The following MID1 variants were observed in gnomAD, a reference collection of about 807,000 sequenced individuals.
MID1 encodes the protein E3 ubiquitin-protein ligase Midline-1.
In MID1, 7 loss-of-function variants were observed where a neutral mutation model predicts 40.4. That is an observed-to-expected ratio of 0.17 (90% CI 0.10 to 0.33). The LOEUF (loss-of-function observed/expected upper bound fraction) is 0.33. Ranked by LOEUF, MID1 falls within the 10% of genes least tolerant of loss-of-function variation. The pLI is 1.00. For synonymous variants in MID1, 229 were observed against 221.2 expected (o/e 1.04, Z -0.31); for missense variants, 367 against 558.5 (o/e 0.66, Z 3.46).
At chrX:10,488,659 T>A (rs1040391789) in intron 4 of MID1, among the ~76,000 whole-genome samples, 11 of 111,449 alleles carry the variant, frequency 9.9e-5, no homozygotes, top group African/African-American at 3.6e-4. Flanking sequence ...CCTGGGTGTG[T>A]CTGTGAGGGT....
At chrX:10,450,020 T>TA (rs1389956933) in intron 9 of MID1, among the ~76,000 whole-genome samples, 1 of 110,515 alleles carries the variant, frequency 9.0e-6, no homozygotes, top group Non-Finnish European at 1.9e-5. Context: ...TTCACTCTTA[T>TA]AAAAATCTAC....
chrX:10,571,123 G>T (rs1196422817), intron 1 of MID1, among the ~76,000 whole-genome samples: 2 of 112,324 alleles, frequency 1.8e-5, no homozygotes, highest in African/African-American at 6.5e-5. Context: ...CTCAAAACTA[G>T]ATATTTTCTT....
intron 6 of MID1, among the ~76,000 whole-genome samples, chrX:10,471,453 G>A (rs746123810): frequency 4.5e-5 from 5 of 112,171 alleles, no homozygotes; most frequent in Admixed American, 1.9e-4. Context: ...CACCTCCAAC[G>A]TGACAGGCAT....
intron 3 of MID1, among the ~76,000 whole-genome samples, chrX:10,515,618 T>C (rs775320293): frequency 2.6e-4 from 29 of 112,497 alleles, no homozygotes; most frequent in Middle Eastern, 4.6e-3. Context: ...TGCTGGAACT[T>C]TGAAGTGATG....
upstream of MID1, among the ~76,000 whole-genome samples, chrX:10,623,060 A>G (rs1342611150): frequency 2.0e-5 from 2 of 97,889 alleles, no homozygotes; most frequent in Non-Finnish European, 4.1e-5. Context: ...CAGCCTGGGC[A>G]ACATGGTGAA....
At chrX:10,713,325 ATTT>A (rs112742852) in intron 1 of MID1, among the ~76,000 whole-genome samples, 39 of 96,490 alleles carry the variant, frequency 4.0e-4, no homozygotes, top group African/African-American at 1.3e-3. Context: ...AGAGAAGGAG[ATTT>A]TTTTTTTTTT....
At chrX:10,713,044 C>T (rs1187557585) in intron 1 of MID1, among the ~76,000 whole-genome samples, 5 of 110,544 alleles carry the variant, frequency 4.5e-5, no homozygotes, top group African/African-American at 1.6e-4. Context: ...ACTATGTTAG[C>T]CAGGCTGGTC....
At chrX:10,589,105 T>G (rs979860541) in intron 1 of MID1, among the ~76,000 whole-genome samples, 2 of 111,880 alleles carry the variant, frequency 1.8e-5, no homozygotes, top group Non-Finnish European at 3.8e-5. Context: ...ACACACACAC[T>G]TTTGCAGTTT....
chrX:10,785,796 C>T (rs1368747720), intron 1 of MID1, among the ~76,000 whole-genome samples: 7 of 111,909 alleles, frequency 6.3e-5, no homozygotes, highest in Non-Finnish European at 1.1e-4. Context: ...CCCTTCCTTA[C>T]GCCTTATACA....
intron 2 of MID1, among the ~76,000 whole-genome samples, chrX:10,554,935 C>T (rs973175839): frequency 3.4e-4 from 38 of 112,084 alleles, no homozygotes; most frequent in African/African-American, 9.1e-4. Flanking sequence ...GATATTCATC[C>T]TAACACCTAA....
intron 1 of MID1, among the ~76,000 whole-genome samples, chrX:10,595,941 T>C (rs1453688867): frequency 8.9e-6 from 1 of 111,917 alleles, no homozygotes; most frequent in Non-Finnish European, 1.9e-5. Context: ...ATATGTACAA[T>C]TATTAGGTGT....
intron 2 of MID1, among the ~76,000 whole-genome samples, chrX:10,564,007 T>C (rs1319178622): frequency 3.6e-5 from 4 of 112,373 alleles, no homozygotes; most frequent in African/African-American, 1.3e-4. Flanking sequence ...AATAAACTTT[T>C]ACTAACAGAA....
chrX:10,581,361 A>T (rs1935015592), intron 1 of MID1, among the ~76,000 whole-genome samples: 1 of 112,884 alleles, frequency 8.9e-6, no homozygotes, highest in Non-Finnish European at 1.9e-5. Flanking sequence ...TTCCTTGCAA[A>T]GGCAGATCGG....
At chrX:10,521,032 T>G (rs1037855659) in intron 3 of MID1, among the ~76,000 whole-genome samples, 10 of 104,237 alleles carry the variant, frequency 9.6e-5, no homozygotes, top group African/African-American at 3.6e-4. Context: ...TGATGAGGCC[T>G]CAGGAAGCTT....
intron 3 of MID1, among the ~76,000 whole-genome samples, chrX:10,508,196 A>G (rs1386714409): frequency 8.9e-6 from 1 of 112,294 alleles, no homozygotes; most frequent in East Asian, 2.8e-4. Context: ...TGCCAAGTGC[A>G]CACATAATTA....
chrX:10,523,396 T>A (rs1363579123), intron 2 of MID1, among the ~76,000 whole-genome samples: 1 of 112,007 alleles, frequency 8.9e-6, no homozygotes, highest in Non-Finnish European at 1.9e-5. Flanking sequence ...GACTTTATTC[T>A]TTTTGTTCCT....
intron 3 of MID1, among the ~76,000 whole-genome samples, chrX:10,517,270 C>T (rs1932497999): frequency 9.0e-6 from 1 of 111,084 alleles, no homozygotes; most frequent in South Asian, 3.8e-4. Flanking sequence ...TACAAGGACA[C>T]CTTCAGGAAG....
intron 1 of MID1, among the ~76,000 whole-genome samples, chrX:10,704,731 T>TACACAC (rs1386328577): frequency 2.4e-5 from 2 of 82,092 alleles, no homozygotes; most frequent in African/African-American, 1.2e-4. Context: ...TATATATATA[T>TACACAC]ATATATATAC....
intron 1 of MID1, among the ~76,000 whole-genome samples, chrX:10,733,107 C>T (rs780287171): frequency 6.8e-4 from 76 of 111,304 alleles, no homozygotes; most frequent in African/African-American, 2.4e-3. Context: ...CATGATCTGC[C>T]CGCCTCAGCC....
Sources: gnomAD v4.1 joint callset for allele counts (sites outside exome capture counted in the v4.1 genomes callset) on GRCh38, gnomAD v4.1.1 for gene constraint, MANE v1.5 for transcripts, NCBI Gene and HGNC (gene_info 2026-07-23, HGNC 2026-07-21) for gene names.